Variants in TENM1 observed in about 807,000 individuals in gnomAD.
TENM1 encodes the protein teneurin-1.
Under a neutral mutation model 174.8 loss-of-function variants are expected in TENM1, and 35 were observed. That is an observed-to-expected ratio of 0.20 (90% CI 0.15 to 0.27). The LOEUF (loss-of-function observed/expected upper bound fraction) is 0.27. Ranked by LOEUF, TENM1 falls within the 10% of genes least tolerant of loss-of-function variation. The pLI is 1.00. For synonymous variants in TENM1, 781 were observed against 798.7 expected (o/e 0.98, Z 0.37); for missense variants, 1,633 against 2,130.1 (o/e 0.77, Z 4.59).
At chrX:124,618,628 C>T (rs1044066910) in intron 11 of TENM1, among the ~76,000 whole-genome samples, 14 of 111,670 alleles carry the variant, frequency 1.3e-4, no homozygotes, top group Non-Finnish European at 2.4e-4. Flanking sequence ...CCCTCCATAA[C>T]CCTGTTGCCA....
At chrX:124,972,978 A>G in the TENM1 span, among the ~76,000 whole-genome samples, 3 of 112,415 alleles carry the variant, frequency 2.7e-5, no homozygotes, top group South Asian at 1.1e-3. Flanking sequence ...TGGACACTGG[A>G]AAGTCCAGGT....
chrX:124,465,148 A>G (rs1418882578), intron 22 of TENM1, among the ~76,000 whole-genome samples: 1 of 112,552 alleles, frequency 8.9e-6, no homozygotes, highest in Non-Finnish European at 1.9e-5. Context: ...TGAGCTGCTC[A>G]TGTCAGTGGA....
intron 6 of TENM1, among the ~76,000 whole-genome samples, chrX:124,657,908 A>G (rs1380085969): frequency 8.9e-6 from 1 of 112,484 alleles, no homozygotes; most frequent in African/African-American, 3.2e-5. Context: ...ACTTCACCCT[A>G]TAACATGCTC....
At chrX:124,979,119 G>T in the TENM1 span, among the ~76,000 whole-genome samples, 2 of 112,896 alleles carry the variant, frequency 1.8e-5, no homozygotes. Flanking sequence ...CACCACAGCA[G>T]AACCTTGGCA....
At chrX:124,983,199 A>T in the TENM1 span, among the ~76,000 whole-genome samples, 3 of 110,783 alleles carry the variant, frequency 2.7e-5, no homozygotes, top group Non-Finnish European at 5.7e-5. Context: ...CAATGAACAC[A>T]TTCTAACATT....
chrX:125,044,154 T>TA, the TENM1 span, among the ~76,000 whole-genome samples: 1 of 56,775 alleles, frequency 1.8e-5, no homozygotes, highest in Non-Finnish European at 3.2e-5. Flanking sequence ...CCCTAAAACT[T>TA]AAAGTATAAT....
the TENM1 span, among the ~76,000 whole-genome samples, chrX:125,196,102 G>A: frequency 9.0e-6 from 1 of 110,769 alleles, no homozygotes; most frequent in Non-Finnish European, 1.9e-5. Flanking sequence ...TTATTCTCAA[G>A]TCTAAGCAAT....
chrX:124,942,018 C>T (rs1418469579), intron 1 of TENM1, among the ~76,000 whole-genome samples: 3 of 111,260 alleles, frequency 2.7e-5, no homozygotes, highest in Non-Finnish European at 3.8e-5. Flanking sequence ...AGAAACTGCC[C>T]CCATGATTCA....
intron 22 of TENM1, among the ~76,000 whole-genome samples, chrX:124,466,117 G>C (rs1388182570): frequency 9.0e-6 from 1 of 111,547 alleles, no homozygotes; most frequent in Non-Finnish European, 1.9e-5. Flanking sequence ...TGGCATCTCT[G>C]GATTCCTGTC....
the TENM1 span, among the ~76,000 whole-genome samples, chrX:125,163,308 A>AG: frequency 9.1e-6 from 1 of 110,441 alleles, no homozygotes; most frequent in African/African-American, 3.3e-5. Flanking sequence ...CTCTTGCAAC[A>AG]GGCTGTCATG....
the TENM1 span, among the ~76,000 whole-genome samples, chrX:125,154,269 C>T: frequency 8.9e-6 from 1 of 111,864 alleles, no homozygotes; most frequent in Non-Finnish European, 1.9e-5. Context: ...AAATTGGAGT[C>T]ATAACCCTGG....
the TENM1 span, among the ~76,000 whole-genome samples, chrX:125,157,462 GC>G: frequency 2.7e-5 from 3 of 112,037 alleles, no homozygotes; most frequent in African/African-American, 9.7e-5. Context: ...CATTACATAT[GC>G]TTTTGTATCC....
chrX:124,675,941 T>C (rs1466207620), intron 5 of TENM1, among the ~76,000 whole-genome samples: 1 of 107,298 alleles, frequency 9.3e-6, no homozygotes, highest in African/African-American at 3.4e-5. Context: ...CAAAACAGAA[T>C]TTATAGAAAG....
intron 11 of TENM1, among the ~76,000 whole-genome samples, chrX:124,590,775 A>G (rs1376524732): frequency 1.8e-5 from 2 of 111,904 alleles, no homozygotes; most frequent in African/African-American, 6.5e-5. Context: ...GTCTAAGCTA[A>G]GTTCAGAATT....
intron 11 of TENM1, among the ~76,000 whole-genome samples, chrX:124,640,258 G>A (rs950962053): frequency 4.0e-4 from 44 of 111,052 alleles, no homozygotes; most frequent in Non-Finnish European, 1.5e-4. Flanking sequence ...CCTGTATTAC[G>A]TCTATGTGAG....
At chrX:125,162,371 C>G in the TENM1 span, among the ~76,000 whole-genome samples, 1 of 112,379 alleles carries the variant, frequency 8.9e-6, no homozygotes, top group East Asian at 2.8e-4. Flanking sequence ...TCTACTTCCT[C>G]AGTAACTCAC....
At chrX:124,586,217 G>T (rs909775549) in intron 11 of TENM1, among the ~76,000 whole-genome samples, 11 of 110,865 alleles carry the variant, frequency 9.9e-5, no homozygotes, top group Non-Finnish European at 2.1e-4. Context: ...TACCAAAGCC[G>T]GGCAGACACA....
At position 124,961,607 on chromosome X, in the gene TENM1, G is replaced by A. The variant is rs2058655199; in HGVS notation, c.217+1930C>T. 2.7e-5 allele frequency among the ~76,000 whole-genome samples: 3 copies of A among 111,192 alleles called. No individual in the cohort carries two copies. The Admixed American group carries it at 2.9e-4, about 11-fold the overall frequency. On this transcript the variant is annotated intron_variant, in intron 1 of 31. Coordinates refer to ENST00000422452, the Ensembl canonical transcript of TENM1. Reference sequence around the variant, plus strand: ...TGCAGTGAGCCAAGATCATGCCACTGCATTCCAGCCTGGGCAACAGAGTAA... The same window carrying A: ...TGCAGTGAGCCAAGATCATGCCACTACATTCCAGCCTGGGCAACAGAGTAA...
chrX:124,421,491 C>T (rs146488224), intron 24 of TENM1, among the ~76,000 whole-genome samples: 8 of 111,869 alleles, frequency 7.2e-5, no homozygotes, highest in African/African-American at 2.3e-4. Flanking sequence ...CCTGGATGAA[C>T]AGTTTAATAG....
Sources: gnomAD v4.1 joint callset for allele counts (sites outside exome capture counted in the v4.1 genomes callset) on GRCh38, gnomAD v4.1.1 for gene constraint, MANE v1.5 for transcripts, NCBI Gene and HGNC (gene_info 2026-07-23, HGNC 2026-07-21) for gene names.